Variants in R3HDM1 observed in about 807,000 individuals in gnomAD.
R3HDM1 encodes the protein R3H domain-containing protein 1.
A neutral mutation model predicts 141.1 loss-of-function variants in R3HDM1; 46 were observed. That is an observed-to-expected ratio of 0.33 (90% confidence interval 0.26 to 0.42). The LOEUF is 0.42. Ranked by LOEUF, R3HDM1 falls within the 10% of genes least tolerant of loss-of-function variation. The pLI, the probability that R3HDM1 is intolerant of heterozygous loss-of-function variation, is 1.00. For synonymous variants in R3HDM1, 435 were observed against 472.9 expected, an observed-to-expected ratio of 0.92 and a Z score of 1.04; for missense variants, 1,184 against 1,368.3, an observed-to-expected ratio of 0.87 and a Z score of 2.12.
chr2:135,630,909 C>T (rs1251705812), intron 7 of R3HDM1, among the ~76,000 whole-genome samples: 1 of 151,814 alleles, frequency 6.6e-6, no homozygotes, highest in Non-Finnish European at 1.5e-5. Flanking sequence ...GGAGTGATAC[C>T]ATTAATTTGT....
chr2:135,710,091 G>C lies in R3HDM1; in HGVS notation c.2596G>C (p.Val866Leu). 1 of 1,613,998 alleles carries C rather than the reference G, an allele frequency of 6.2e-7. No homozygotes were observed. Among genetic ancestry groups the C allele is most frequent in the Non-Finnish European group, 8.5e-7 (1 of 1,179,970 alleles). Reference protein sequence around the residue: ...GPPPPPGGGMVMMQLSVPNNP... With the variant: ...GPPPPPGGGMLMMQLSVPNNP... ...ACCACCGCCACCTGGTGGGGGGATG[G>C]TGATGATGCAGCTCAGTGTACCAAA... Residue 866 changes from valine to leucine, a missense_variant, in exon 23 of 27, where the codon GTG (valine) becomes CTG (leucine). Val to Leu is a conservative substitution (Grantham distance 32). This residue lies in a region of R3HDM1 where 563 missense variants were observed against 562.0 expected (regional missense o/e 1.00). Coordinates refer to ENST00000683871, the MANE Select transcript of R3HDM1 (RefSeq NM_001378107.1).
intron 1 of R3HDM1, chr2:135,584,381 A>T (rs1256241268): frequency 1.1e-6 from 1 of 939,678 alleles, no homozygotes; most frequent in African/African-American, 1.8e-5. Context: ...TTTATTTGAA[A>T]GTTTTCATTA....
chr2:135,587,467 C>T (rs1028770358), intron 1 of R3HDM1, among the ~76,000 whole-genome samples: 3 of 152,264 alleles, frequency 2.0e-5, no homozygotes, highest in East Asian at 1.9e-4. Context: ...CTTTTATCAA[C>T]GCTGAATGTC....
chr2:135,658,415 C>T (rs2066212352), intron 18 of R3HDM1, among the ~76,000 whole-genome samples: 1 of 152,188 alleles, frequency 6.6e-6, no homozygotes. Context: ...ATCTGCCCGC[C>T]TCAGCCTTCA....
intron 19 of R3HDM1, among the ~76,000 whole-genome samples, chr2:135,662,969 C>CTCT (rs2066929043): frequency 6.6e-6 from 1 of 151,938 alleles, no homozygotes; most frequent in Non-Finnish European, 1.5e-5. Flanking sequence ...TTAGTACACT[C>CTCT]TATTAATAAG....
intron 1 of R3HDM1, among the ~76,000 whole-genome samples, chr2:135,573,555 A>G (rs899283937): frequency 1.3e-4 from 20 of 151,996 alleles, no homozygotes; most frequent in African/African-American, 4.8e-4. Flanking sequence ...AAGGTTTCCA[A>G]ATAGAATAAG....
At chr2:135,635,103 A>C (rs1172544438) in intron 9 of R3HDM1, among the ~76,000 whole-genome samples, 2 of 152,200 alleles carry the variant, frequency 1.3e-5, no homozygotes, top group Admixed American at 6.5e-5. Flanking sequence ...TGACTTCTAT[A>C]AAAGAACATC....
intron 18 of R3HDM1, among the ~76,000 whole-genome samples, chr2:135,655,841 A>G (rs2065810654): frequency 6.6e-6 from 1 of 152,132 alleles, no homozygotes; most frequent in African/African-American, 2.4e-5. Context: ...GCTCCTTGCA[A>G]TTCCATATGA....
At chr2:135,666,602 G>T (rs2067533391) in intron 19 of R3HDM1, among the ~76,000 whole-genome samples, 1 of 152,100 alleles carries the variant, frequency 6.6e-6, no homozygotes, top group Non-Finnish European at 1.5e-5. Context: ...CTCTTCCATG[G>T]AATAGTTCTT....
intron 1 of R3HDM1, among the ~76,000 whole-genome samples, chr2:135,568,152 A>G (rs1043053190): frequency 6.6e-6 from 1 of 150,908 alleles, no homozygotes; most frequent in Non-Finnish European, 1.5e-5. Context: ...ACTTCCCCAG[A>G]CTCAGGTGAT....
chr2:135,673,116 A>G (rs1358858682), intron 19 of R3HDM1, among the ~76,000 whole-genome samples: 1 of 152,098 alleles, frequency 6.6e-6, no homozygotes, highest in East Asian at 1.9e-4. Context: ...ACAAACAAAC[A>G]AAAAGAATAA....
Position 135,604,906 on chromosome 2 carries a change from G to T in R3HDM1, c.61G>T (p.Ala21Ser), listed in dbSNP as rs1463551193. The change falls in exon 3 of 27, where the codon GCA becomes TCA. Residue 21 changes from alanine (A) to serine (S), a missense_variant. Physicochemically the swap from Ala to Ser is moderately conservative, Grantham distance 99 (BLOSUM62 1). Around this residue, in one of 5 missense-constraint regions of R3HDM1, gnomAD observed 192 missense variants for 215.7 expected, o/e 0.89. Coordinates refer to ENST00000683871, the MANE Select transcript of R3HDM1 (RefSeq NM_001378107.1). Reference protein sequence around the residue: ...DETATMKDLEAEVKDTTRVEN... With the variant: ...DETATMKDLESEVKDTTRVEN... ...AACTGCAACAATGAAGGATTTGGAG[G>T]CAGAAGTGAAAGATACAACCAGAGT... 3 of 1,610,604 alleles carry T rather than the reference G, an allele frequency of 1.9e-6. No homozygotes were observed. The highest frequency in any genetic ancestry group is 1.7e-6 in the Non-Finnish European group (2 of 1,177,276).
intron 1 of R3HDM1, among the ~76,000 whole-genome samples, chr2:135,551,873 G>T (rs1420251397): frequency 6.6e-6 from 1 of 152,162 alleles, no homozygotes; most frequent in Non-Finnish European, 1.5e-5. Flanking sequence ...TTTTAACTCA[G>T]TATTACCTTG....
intron 7 of R3HDM1, chr2:135,622,941 G>A (rs2061646262): frequency 8.1e-6 from 8 of 981,766 alleles, no homozygotes; most frequent in Middle Eastern, 5.2e-4. Context: ...TCACCATGAT[G>A]TATGAATTTT....
chr2:135,546,109 C>T (rs1698644636), intron 1 of R3HDM1, among the ~76,000 whole-genome samples: 1 of 152,160 alleles, frequency 6.6e-6, no homozygotes, highest in African/African-American at 2.4e-5. Flanking sequence ...TTATTCTTTG[C>T]TTGAACTATT....
chr2:135,550,198 T>C (rs968897837), intron 1 of R3HDM1: 1 of 985,052 alleles, frequency 1.0e-6, no homozygotes, highest in Non-Finnish European at 1.2e-6. Flanking sequence ...TGAGTGTTGA[T>C]TTTCTTTTTT....
intron 7 of R3HDM1, among the ~76,000 whole-genome samples, chr2:135,627,080 A>G (rs2062126095): frequency 6.6e-6 from 1 of 152,132 alleles, no homozygotes; most frequent in South Asian, 2.1e-4. Context: ...TATTAGTGTC[A>G]TTGTGGTTTT....
chr2:135,654,696 G>A (rs1432754414), intron 18 of R3HDM1, among the ~76,000 whole-genome samples: 2 of 151,962 alleles, frequency 1.3e-5, no homozygotes, highest in African/African-American at 4.8e-5. Context: ...TGATCCTCCC[G>A]CCTCGGCCTC....
intron 19 of R3HDM1, among the ~76,000 whole-genome samples, chr2:135,671,742 G>A (rs1448146850): frequency 3.3e-5 from 5 of 151,890 alleles, no homozygotes; most frequent in East Asian, 2.0e-4. Context: ...TTAGGAGGCC[G>A]AGGCGGGCAG....
Sources: allele counts gnomAD v4.1 joint callset (sites outside exome capture counted in the v4.1 genomes callset), GRCh38; gene constraint gnomAD v4.1.1; regional missense constraint gnomAD v4.1.1; transcripts MANE v1.5; gene names NCBI Gene and HGNC (gene_info 2026-07-23, HGNC 2026-07-21).